Variants in DAPL1 observed in about 807,000 individuals in gnomAD.
DAPL1 encodes death associated protein like 1, also known as death-associated protein-like 1.
DAPL1 carries 17 observed loss-of-function variants against 12.9 expected under a neutral mutation model. The observed-to-expected ratio is 1.32, with a 90% CI of 0.90 to 1.98. The LOEUF is 1.98. Among genes scored for constraint, DAPL1 ranks in the 30% most tolerant of loss-of-function variants. The pLI is 0.00. For missense variants in DAPL1, 157 were observed against 125.7 expected, an observed-to-expected ratio of 1.25 and a Z score of -1.19; for synonymous variants, 51 against 42.0, an observed-to-expected ratio of 1.21 and a Z score of -0.82.
intron 3 of DAPL1, among the ~76,000 whole-genome samples, chr2:158,808,312 C>A (rs180932701): frequency 1.3e-5 from 2 of 152,222 alleles, no homozygotes; most frequent in Non-Finnish European, 2.9e-5. Context: ...TGGCCTTGAG[C>A]AAGTTATTTA....
intron 3 of DAPL1, among the ~76,000 whole-genome samples, chr2:158,810,654 C>T (rs1185129473): frequency 6.6e-6 from 1 of 152,142 alleles, no homozygotes; most frequent in East Asian, 1.9e-4. Context: ...ATTTCCCCAC[C>T]TCTCCCCTCC....
Position 158,807,031 on chromosome 2 carries a change from CAA to C in DAPL1, c.147-22_147-21del, listed in dbSNP as rs760726094. The C allele has an allele frequency of 3.1e-6, 5 of 1,608,126 alleles. No homozygotes were observed. The East Asian group carries it at 8.9e-5, about 29-fold the overall frequency. ...GTGGGAAAATTTTTTAAGTCCTGTT[CAA>C]AGTTTCTTTTCATCTTCACAGTGCC... is the stretch of plus-strand genomic sequence containing the variant. On this transcript the variant is annotated intron_variant, in intron 2 of 3. Coordinates refer to ENST00000309950, the MANE Select transcript of DAPL1 (RefSeq NM_001017920.3).
intron 1 of DAPL1, among the ~76,000 whole-genome samples, chr2:158,800,140 G>A (rs990494501): frequency 4.6e-5 from 7 of 151,470 alleles, no homozygotes; most frequent in Non-Finnish European, 1.0e-4. Context: ...AAGAAGTGAT[G>A]GATTTTTTTG....
At chr2:158,803,923 T>C (rs2059183495) in intron 1 of DAPL1, among the ~76,000 whole-genome samples, 1 of 152,180 alleles carries the variant, frequency 6.6e-6, no homozygotes, top group Non-Finnish European at 1.5e-5. Context: ...CACGTTGTAA[T>C]TGTCGGTTGC....
intron 1 of DAPL1, among the ~76,000 whole-genome samples, chr2:158,796,422 A>G (rs1049144337): frequency 4.6e-5 from 7 of 152,238 alleles, no homozygotes; most frequent in African/African-American, 1.7e-4. Context: ...AAGAGTCCAG[A>G]TTTTACTACT....
chr2:158,801,483 T>C (rs1485353960), intron 1 of DAPL1, among the ~76,000 whole-genome samples: 1 of 152,214 alleles, frequency 6.6e-6, no homozygotes, highest in African/African-American at 2.4e-5. Context: ...CTGTATTCCA[T>C]GGCTATTCAG....
chr2:158,812,134 T>A (rs2059234198), intron 3 of DAPL1, among the ~76,000 whole-genome samples: 1 of 152,240 alleles, frequency 6.6e-6, no homozygotes, highest in East Asian at 1.9e-4. Flanking sequence ...CAAGTTGCTA[T>A]GAAACCCTGC....
chr2:158,795,461 G>T, intron 1 of DAPL1, 31 bp downstream of exon 1: 8 of 1,549,678 alleles, frequency 5.2e-6, no homozygotes, highest in Non-Finnish European at 7.0e-6. Context: ...AGTCCTGCAG[G>T]CTGTTGCTGC....
rs767469627 is a variant in DAPL1, at chr2:158,804,328, C to A, written c.105C>A (p.Thr35=). The A allele has an allele frequency of 6.2e-7, 1 of 1,611,556 alleles. No homozygotes were observed. The highest frequency in any genetic ancestry group is 8.5e-7 in the Non-Finnish European group (1 of 1,178,748). Residue 35 remains threonine (T), a synonymous_variant, in exon 2 of 4, where the codon ACC becomes ACA. Coordinates refer to ENST00000309950, the MANE Select transcript of DAPL1 (RefSeq NM_001017920.3). ...TTTCCAAAAAACAAGAAATTGGCAC[C>A]TTGGAAAGACATACCAAAAAAACAG... The part of the protein sequence containing the change: ...MRISKKQEIG[T]LERHTKKTGF...
At chr2:158,795,510 C>A in intron 1 of DAPL1, 80 bp downstream of exon 1, 1 of 1,341,204 alleles carries the variant, frequency 7.5e-7, no homozygotes, top group Non-Finnish European at 1.0e-6. Flanking sequence ...AGCACCCCGA[C>A]AGACGGAAGC....
At chr2:158,813,601 G>A (rs1287776769) in intron 3 of DAPL1, among the ~76,000 whole-genome samples, 1 of 147,018 alleles carries the variant, frequency 6.8e-6, no homozygotes, top group African/African-American at 2.5e-5. Context: ...TGTCGCCCAG[G>A]CTGGAGTGCA....
chr2:158,802,222 G>C (rs773619948), intron 1 of DAPL1, among the ~76,000 whole-genome samples: 20 of 152,146 alleles, frequency 1.3e-4, no homozygotes, highest in African/African-American at 4.6e-4. Flanking sequence ...TTCCAAACAC[G>C]CATACTCTTA....
rs375361725 is a variant in DAPL1, at chr2:158,811,081, C to A, written c.207+3966C>A. Among the ~76,000 whole-genome samples the A allele has an allele frequency of 1.2e-3, 189 of 152,260 alleles. 3 individuals carry two copies. The South Asian group carries it at 0.014, about 11-fold the overall frequency. ...AGAACATAAAAGTATCCAGTTAAAA[C>A]ATCCATAATGGGGTTGCGTTATGGT... On this transcript the variant is annotated intron_variant, in intron 3 of 3. Transcript: ENST00000309950.
chr2:158,814,213 C>G (rs939490952), intron 3 of DAPL1, among the ~76,000 whole-genome samples: 4 of 152,230 alleles, frequency 2.6e-5, no homozygotes, highest in African/African-American at 9.6e-5. Flanking sequence ...TGAAAGAAAA[C>G]CAAAGCAAAA....
intron 2 of DAPL1, among the ~76,000 whole-genome samples, chr2:158,806,440 C>G (rs896532866): frequency 1.3e-5 from 2 of 152,052 alleles, no homozygotes; most frequent in African/African-American, 4.8e-5. Context: ...AGCAGTTATC[C>G]TTAGGGGCAG....
intron 2 of DAPL1, among the ~76,000 whole-genome samples, chr2:158,806,426 G>A (rs1035489591): frequency 6.6e-6 from 1 of 152,164 alleles, no homozygotes; most frequent in African/African-American, 2.4e-5. Context: ...CTATAAATGA[G>A]GATAGCAGTT....
At chr2:158,799,017 G>A (rs2059151084) in intron 1 of DAPL1, among the ~76,000 whole-genome samples, 1 of 151,914 alleles carries the variant, frequency 6.6e-6, no homozygotes, top group Non-Finnish European at 1.5e-5. Flanking sequence ...AATCTTAGCT[G>A]GAAAATTATT....
At chr2:158,795,552 A>G in intron 1 of DAPL1, 122 bp downstream of exon 1, 1 of 896,170 alleles carries the variant, frequency 1.1e-6, no homozygotes, top group Non-Finnish European at 1.8e-6. Flanking sequence ...CTTTAACTCC[A>G]TGCAGCCTGA....
intron 3 of DAPL1, among the ~76,000 whole-genome samples, chr2:158,812,153 C>G (rs1280936498): frequency 6.6e-6 from 1 of 152,172 alleles, no homozygotes; most frequent in East Asian, 1.9e-4. Context: ...GCTCTGGGCA[C>G]CCCAAAAGCT....
Sources: gnomAD v4.1 joint callset for allele counts (sites outside exome capture counted in the v4.1 genomes callset) on GRCh38, gnomAD v4.1.1 for gene constraint, MANE v1.5 for transcripts, NCBI Gene and HGNC (gene_info 2026-07-23, HGNC 2026-07-21) for gene names.